Variants in CAPN13 observed in about 807,000 individuals in gnomAD.
CAPN13 encodes calpain 13.
A neutral mutation model predicts 98.4 loss-of-function variants in CAPN13; 90 were observed. The ratio of observed to expected loss-of-function variants is 0.92; its 90% confidence interval spans 0.77 to 1.09. CAPN13 has a LOEUF of 1.09. Among genes scored for constraint, CAPN13 ranks in the 50% least tolerant of loss-of-function variants. CAPN13 has a pLI of 0.00. For synonymous variants in CAPN13, 330 were observed against 305.5 expected (o/e 1.08, Z -0.84); for missense variants, 887 against 841.3 (o/e 1.05, Z -0.67).
chr2:30,800,211 G>A (rs1675189876), intron 1 of CAPN13, among the ~76,000 whole-genome samples: 1 of 149,136 alleles, frequency 6.7e-6, no homozygotes, highest in South Asian at 2.1e-4. Flanking sequence ...ACCTGGAACA[G>A]GTACCAGAGA....
At chr2:30,757,805 C>G (rs1306143755) in intron 8 of CAPN13, among the ~76,000 whole-genome samples, 1 of 152,204 alleles carries the variant, frequency 6.6e-6, no homozygotes. Flanking sequence ...CCATATATAC[C>G]TCACAACACC....
chr2:30,795,704 ATCT>A (rs1674822409), intron 1 of CAPN13, among the ~76,000 whole-genome samples: 1 of 152,080 alleles, frequency 6.6e-6, no homozygotes, highest in African/African-American at 2.4e-5. Flanking sequence ...TTTGTGGCTT[ATCT>A]TCTTAACTCC....
At chr2:30,794,575 T>A (rs1674762490) in intron 1 of CAPN13, among the ~76,000 whole-genome samples, 1 of 151,870 alleles carries the variant, frequency 6.6e-6, no homozygotes, top group African/African-American at 2.4e-5. Context: ...TGAAAGCATA[T>A]GTTCATACAA....
intron 19 of CAPN13, among the ~76,000 whole-genome samples, chr2:30,734,013 T>G (rs1215216034): frequency 2.0e-5 from 3 of 152,172 alleles, no homozygotes; most frequent in Non-Finnish European, 2.9e-5. Context: ...TTTGCCTACT[T>G]GAAGCAGACA....
chr2:30,797,788 T>A (rs1674962376), intron 1 of CAPN13, among the ~76,000 whole-genome samples: 1 of 152,232 alleles, frequency 6.6e-6, no homozygotes, highest in Non-Finnish European at 1.5e-5. Context: ...TCTACCTGCC[T>A]GGCAGAAATA....
intron 1 of CAPN13, among the ~76,000 whole-genome samples, chr2:30,796,942 A>G (rs1011524933): frequency 5.3e-5 from 8 of 152,198 alleles, no homozygotes; most frequent in Non-Finnish European, 1.2e-4. Context: ...TTTGAGTAAC[A>G]TAAGCATGCC....
chr2:30,747,067 C>T (rs1334420040), intron 11 of CAPN13, among the ~76,000 whole-genome samples: 1 of 152,164 alleles, frequency 6.6e-6, no homozygotes, highest in East Asian at 1.9e-4. Flanking sequence ...TCTTGCACTC[C>T]CACCCCTGAT....
At chr2:30,723,684 T>TGGTTTTTCTCAAGTGCA (rs1192273785) in intron 22 of CAPN13, among the ~76,000 whole-genome samples, 1 of 151,872 alleles carries the variant, frequency 6.6e-6, no homozygotes, top group Non-Finnish European at 1.5e-5. Flanking sequence ...TGCAGAGGAG[T>TGGTTTTTCTCAAGTGCA]GGTTTTTCTC....
At chr2:30,760,147 A>G (rs920157230) in intron 7 of CAPN13, among the ~76,000 whole-genome samples, 2 of 152,120 alleles carry the variant, frequency 1.3e-5, no homozygotes, top group Non-Finnish European at 2.9e-5. Flanking sequence ...CAGTGGCACG[A>G]TCTCGGCTCA....
chr2:30,737,295 A>T (rs1360976768), intron 17 of CAPN13: 1 of 152,442 alleles, frequency 6.6e-6, no homozygotes, highest in Non-Finnish European at 1.5e-5. Context: ...CTCTTGTTTC[A>T]CAATGGCCGG....
chr2:30,806,670 C>T (rs1238484177), intron 1 of CAPN13, among the ~76,000 whole-genome samples: 1 of 152,196 alleles, frequency 6.6e-6, no homozygotes, highest in Non-Finnish European at 1.5e-5. Flanking sequence ...CTGAGAACAG[C>T]ATCACATCTC....
At chr2:30,726,399 G>A (rs1670860887) in intron 22 of CAPN13, among the ~76,000 whole-genome samples, 4 of 151,946 alleles carry the variant, frequency 2.6e-5, no homozygotes, top group Admixed American at 2.6e-4. Flanking sequence ...AATTAGGCAA[G>A]AAAAAGAAAT....
rs369183079 is a variant in CAPN13 at position 30,764,237 on chromosome 2, G to A, written c.594C>T (p.Gly198=). 4.8e-5 allele frequency: 78 copies of A among 1,613,342 alleles called. No individual in the cohort carries two copies. The highest frequency in any genetic ancestry group is 6.1e-5 in the Non-Finnish European group (72 of 1,179,726). The change falls in exon 6 of 23, where the codon GGC becomes GGT. Residue 198 remains glycine, a synonymous_variant. Transcript: ENST00000295055. ...LEDALVDLTG[G]VITNIHLHSS... Reference sequence around the variant, plus strand: ...AGTGCAGATGGATGTTGGTGATCACGCCTCCTGTGAGGTCCACCAGGGCAT... The same window carrying A: ...AGTGCAGATGGATGTTGGTGATCACACCTCCTGTGAGGTCCACCAGGGCAT...
intron 7 of CAPN13, among the ~76,000 whole-genome samples, chr2:30,759,590 T>C (rs928258466): frequency 3.9e-5 from 6 of 152,292 alleles, no homozygotes; most frequent in African/African-American, 1.2e-4. Context: ...AGACTATCGC[T>C]GTGTGGAAGA....
chr2:30,724,426 A>G (rs75268143), intron 22 of CAPN13, among the ~76,000 whole-genome samples: 5,888 of 151,932 alleles, frequency 0.039, 198 homozygotes, highest in East Asian at 0.14. Context: ...CCCAAAGGCC[A>G]CCCCTCCAGC....
intron 2 of CAPN13, among the ~76,000 whole-genome samples, chr2:30,783,414 A>T (rs1197629582): frequency 6.6e-6 from 1 of 152,182 alleles, no homozygotes; most frequent in African/African-American, 2.4e-5. Flanking sequence ...GGAACAGAAT[A>T]AAGCAGGATG....
intron 8 of CAPN13, 76 bp downstream of exon 8, chr2:30,757,970 C>T (rs995193870): frequency 1.8e-6 from 2 of 1,135,488 alleles, no homozygotes; most frequent in East Asian, 2.6e-5. Flanking sequence ...TAGATAGCCC[C>T]TGCTCTCATG....
intron 8 of CAPN13, among the ~76,000 whole-genome samples, chr2:30,755,898 T>C (rs1672420913): frequency 6.6e-6 from 1 of 152,208 alleles, no homozygotes; most frequent in South Asian, 2.1e-4. Flanking sequence ...TGTGTGCGAC[T>C]GAAATTTTAA....
chr2:30,782,645 T>C (rs1489197255), intron 2 of CAPN13, among the ~76,000 whole-genome samples: 1 of 152,162 alleles, frequency 6.6e-6, no homozygotes, highest in Non-Finnish European at 1.5e-5. Flanking sequence ...AGTGCCTCCC[T>C]CTAGGATGGC....
Sources: allele counts gnomAD v4.1 joint callset (sites outside exome capture counted in the v4.1 genomes callset), GRCh38; gene constraint gnomAD v4.1.1; transcripts MANE v1.5; gene names NCBI Gene and HGNC (gene_info 2026-07-23, HGNC 2026-07-21).